The following PIGG variants were observed in gnomAD, a reference collection of about 807,000 sequenced individuals.
PIGG encodes phosphatidylinositol glycan anchor biosynthesis class G (EMM blood group).
Under a neutral mutation model 83.2 loss-of-function variants are expected in PIGG, and 70 were observed. That is an observed-to-expected ratio of 0.84 (90% CI 0.69 to 1.03). PIGG has a LOEUF of 1.03. Ranked by LOEUF, PIGG falls within the 50% of genes least tolerant of loss-of-function variation. PIGG has a pLI of 0.00. For synonymous variants in PIGG, 532 were observed against 519.5 expected, an observed-to-expected ratio of 1.02 and a Z score of -0.33; for missense variants, 1,257 against 1,233.6, an observed-to-expected ratio of 1.02 and a Z score of -0.28.
chr4:501,221 A>T (rs1441017672), intron 2 of PIGG: 1 of 450,878 alleles, frequency 2.2e-6, no homozygotes, highest in African/African-American at 2.0e-5. Context: ...CTATGTGGTG[A>T]TACTTCAATG....
At chr4:534,888 G>T (rs1326175410) in intron 12 of PIGG, among the ~76,000 whole-genome samples, 1 of 151,366 alleles carries the variant, frequency 6.6e-6, no homozygotes, top group South Asian at 2.1e-4. Flanking sequence ...CAAGGGCGCA[G>T]CCCCCCATCC....
chr4:504,627 C>T (rs745546507), intron 2 of PIGG, among the ~76,000 whole-genome samples: 27 of 152,094 alleles, frequency 1.8e-4, no homozygotes, highest in Non-Finnish European at 2.9e-4. Context: ...ATTTATTTAT[C>T]GTTAAAGATG....
intron 5 of PIGG, among the ~76,000 whole-genome samples, chr4:513,716 G>A (rs1334575339): frequency 6.6e-6 from 1 of 152,182 alleles, no homozygotes; most frequent in Non-Finnish European, 1.5e-5. Context: ...CTGTGGGAAT[G>A]GTTTTCTGAA....
In PIGG at chr4:521,690, C is replaced by T; in HGVS notation, c.1363C>T (p.Gln455Ter). Residue 455 changes from glutamine to a stop codon, truncating the protein, a stop_gained, in exon 8 of 13, where the codon CAG becomes TAG. Coordinates refer to ENST00000453061, the MANE Select transcript of PIGG (RefSeq NM_001127178.3). LOFTEE classifies it high-confidence loss of function. ...CACCCTGCTCCTGCTCAGCGTCCCA[C>T]AGGCACTGCGCAGAAAGGCTGAGCT... ...VLTLLLLSVP[Q>*]ALRRKAELEV... is the part of the protein sequence containing the mutation. 2 of 1,614,156 alleles carry T rather than the reference C, an allele frequency of 1.2e-6. No homozygotes were observed. The highest frequency in any genetic ancestry group is 1.7e-6 in the Non-Finnish European group (2 of 1,179,982).
Position 527,025 on chromosome 4 carries a change from C to T in PIGG, c.2070-14C>T. The T allele has an allele frequency of 6.2e-7, 1 of 1,613,956 alleles. No homozygotes were observed. The highest frequency in any genetic ancestry group is 8.5e-7 in the Non-Finnish European group (1 of 1,179,930). On this transcript the variant is annotated splice_polypyrimidine_tract_variant and intron_variant, in intron 9 of 12. Coordinates refer to ENST00000453061, the MANE Select transcript of PIGG (RefSeq NM_001127178.3). ...TTTGTTTACGTAATGCTGGCATTTT[C>T]CATCTCATTTCAGCTCTGACCACAA...
chr4:509,379 A>G (rs1459276161), intron 5 of PIGG, among the ~76,000 whole-genome samples: 1 of 152,224 alleles, frequency 6.6e-6, no homozygotes, highest in Admixed American at 6.5e-5. Context: ...AGCAGGACAG[A>G]CAGAGGCCCC....
chr4:522,082 C>T (rs1433627225), intron 8 of PIGG, 141 bp downstream of exon 8: 9 of 880,170 alleles, frequency 1.0e-5, no homozygotes, highest in Non-Finnish European at 1.5e-5. Flanking sequence ...GGACAGGGGG[C>T]CTCAGGGAAG....
intron 2 of PIGG, chr4:502,242 C>T (rs1449633161): frequency 2.0e-5 from 3 of 152,164 alleles, no homozygotes; most frequent in African/African-American, 4.8e-5. Flanking sequence ...TTTATTTCAC[C>T]TTTGCTGGGG....
In PIGG at chr4:500,590, C is replaced by T; in HGVS notation, c.349C>T (p.Pro117Ser). The T allele has an allele frequency of 6.3e-7, 1 of 1,599,736 alleles. No homozygotes were observed. The highest frequency in any genetic ancestry group is 8.6e-7 in the Non-Finnish European group (1 of 1,166,934). The change falls in exon 2 of 13, where the codon CCT (proline) becomes TCT (serine). Residue 117 changes from proline to serine, a missense_variant. Pro to Ser is a moderately conservative substitution (Grantham distance 74, BLOSUM62 -1). Transcript: ENST00000453061. The part of the protein sequence containing the change: ...AEAKPPTVTM[P>S]RIKALMTGSL... ...AGCAAAGCCACCTACAGTTACTATG[C>T]CTCGAATCAAGGTAAGTTTGCCTTA...
chr4:519,106 G>C (rs1190613607), intron 6 of PIGG, among the ~76,000 whole-genome samples: 1 of 152,136 alleles, frequency 6.6e-6, no homozygotes, highest in African/African-American at 2.4e-5. Flanking sequence ...TCCAAAATCA[G>C]TTCCTCCCCA....
chr4:500,861 C>T (rs1432800810), intron 2 of PIGG, among the ~76,000 whole-genome samples: 1 of 152,212 alleles, frequency 6.6e-6, no homozygotes, highest in African/African-American at 2.4e-5. Flanking sequence ...CCAGGCTAAC[C>T]TACCCCAAGA....
chr4:523,294 G>T (rs1005794893), intron 8 of PIGG, among the ~76,000 whole-genome samples, 165 bp from the exon 9 acceptor site: 1 of 152,198 alleles, frequency 6.6e-6, no homozygotes, highest in African/African-American at 2.4e-5. Context: ...GGTTCCTGCC[G>T]TTGGAGCAGA....
chr4:500,936 G>C (rs1553875480), intron 2 of PIGG, among the ~76,000 whole-genome samples: 1 of 152,136 alleles, frequency 6.6e-6, no homozygotes, highest in Admixed American at 6.5e-5. Context: ...ATCTTAGAAG[G>C]AGCCTTTAGA....
At chr4:513,367 G>A (rs1286104429) in intron 5 of PIGG, among the ~76,000 whole-genome samples, 1 of 152,100 alleles carries the variant, frequency 6.6e-6, no homozygotes, top group Non-Finnish European at 1.5e-5. Flanking sequence ...TTGAAAATAA[G>A]CGGTTTTGGA....
chr4:512,259 A>T (rs529680775), intron 5 of PIGG, among the ~76,000 whole-genome samples: 1 of 126,992 alleles, frequency 7.9e-6, no homozygotes, highest in Non-Finnish European at 1.6e-5. Context: ...TTGCTCTGTC[A>T]CCCAGGCTGG....
chr4:535,731 C>G (rs1209928854), intron 12 of PIGG, among the ~76,000 whole-genome samples: 1 of 152,062 alleles, frequency 6.6e-6, no homozygotes, highest in Admixed American at 6.5e-5. Context: ...GCCGGCGACT[C>G]CACAGAGCAT....
At chr4:511,331 C>A (rs374030239) in intron 5 of PIGG, among the ~76,000 whole-genome samples, 1 of 146,108 alleles carries the variant, frequency 6.8e-6, no homozygotes, top group South Asian at 2.2e-4. Flanking sequence ...GACTTCATTT[C>A]TTTTGTTATT....
In PIGG at chr4:516,178, T is replaced by C. The variant is rs1254017645; in HGVS notation, c.1107T>C (p.Tyr369=). ...SKLLQENVPS[Y]EKDPGFEQFK... ...TGTTGCAAGAGAATGTGCCGTCATA[T>C]GAAAAAGGTCAGTCAACTCACCGTT... The change falls in exon 6 of 13, where the codon TAT becomes TAC. Residue 369 remains tyrosine (Y), a synonymous_variant. Transcript: ENST00000453061. 6.2e-7 allele frequency: 1 copy of C among 1,611,612 alleles called. No homozygotes were observed. Among genetic ancestry groups the C allele is most frequent in the Non-Finnish European group, 8.5e-7 (1 of 1,177,652 alleles).
chr4:521,543 C>G, intron 7 of PIGG, 117 bp from the exon 8 acceptor site: 1 of 984,476 alleles, frequency 1.0e-6, no homozygotes, highest in Non-Finnish European at 1.5e-6. Flanking sequence ...TTTTCCTGAG[C>G]TTGCTTTTCT....
Sources: allele counts gnomAD v4.1 joint callset (sites outside exome capture counted in the v4.1 genomes callset), GRCh38; gene constraint gnomAD v4.1.1; transcripts MANE v1.5; gene names NCBI Gene and HGNC (gene_info 2026-07-23, HGNC 2026-07-21).